Variants in SLC16A9 observed in about 807,000 individuals in gnomAD.
SLC16A9 encodes monocarboxylate transporter 9.
A neutral mutation model predicts 44.3 loss-of-function variants in SLC16A9; 26 were observed. The ratio of observed to expected loss-of-function variants is 0.59; its 90% CI spans 0.43 to 0.81. SLC16A9 has a LOEUF of 0.81. Among genes scored for constraint, SLC16A9 ranks in the 40% least tolerant of loss-of-function variants. The probability of loss-of-function intolerance (pLI) is 0.00; values close to 1 mark genes in which losing one functional copy is unlikely to be tolerated. For missense variants in SLC16A9, 559 were observed against 595.8 expected (o/e 0.94, Z 0.64); for synonymous variants, 230 against 225.1 (o/e 1.02, Z -0.19).
intron 4 of SLC16A9, among the ~76,000 whole-genome samples, chr10:59,663,188 C>T (rs1042377230): frequency 2.0e-5 from 3 of 151,926 alleles, no homozygotes; most frequent in Admixed American, 1.3e-4. Context: ...GAAGAAACCC[C>T]GTCTCTACTA....
chr10:59,672,083 C>G (rs1260610280), intron 3 of SLC16A9, among the ~76,000 whole-genome samples: 1 of 152,114 alleles, frequency 6.6e-6, no homozygotes, highest in Non-Finnish European at 1.5e-5. Flanking sequence ...TTTTCTAAGT[C>G]CCTACCAACA....
At chr10:59,693,280 A>AATT (rs1840291749) in intron 1 of SLC16A9, among the ~76,000 whole-genome samples, 1 of 152,240 alleles carries the variant, frequency 6.6e-6, no homozygotes, top group Admixed American at 6.5e-5. Flanking sequence ...ATGTATTAGC[A>AATT]AATGTCATCA....
At chr10:59,696,674 G>T (rs1840385268) in intron 1 of SLC16A9, among the ~76,000 whole-genome samples, 1 of 150,498 alleles carries the variant, frequency 6.6e-6, no homozygotes, top group South Asian at 2.1e-4. Context: ...TCTCTGCCCG[G>T]CCGCCCATCA....
intron 3 of SLC16A9, among the ~76,000 whole-genome samples, chr10:59,666,221 C>T (rs1839612591): frequency 6.6e-6 from 1 of 151,688 alleles, no homozygotes. Flanking sequence ...ATCACTTGAA[C>T]CCTGGAGGTG....
intron 1 of SLC16A9, among the ~76,000 whole-genome samples, chr10:59,699,196 T>C (rs1164969403): frequency 9.9e-5 from 15 of 152,204 alleles, no homozygotes; most frequent in Non-Finnish European, 1.6e-4. Context: ...ATGATGATAA[T>C]TATAAGGCTG....
intron 1 of SLC16A9, among the ~76,000 whole-genome samples, chr10:59,706,770 C>T (rs534689709): frequency 7.2e-5 from 11 of 151,868 alleles, no homozygotes; most frequent in Non-Finnish European, 1.3e-4. Flanking sequence ...GTCAGAAGTT[C>T]GAGACCAGCC....
chr10:59,676,444 C>A (rs1252290891), intron 2 of SLC16A9, among the ~76,000 whole-genome samples: 1 of 152,132 alleles, frequency 6.6e-6, no homozygotes, highest in African/African-American at 2.4e-5. Flanking sequence ...CAAAGGGCTA[C>A]TTTCAGGAGA....
At chr10:59,687,478 C>T (rs1840159360) in intron 1 of SLC16A9, among the ~76,000 whole-genome samples, 1 of 152,110 alleles carries the variant, frequency 6.6e-6, no homozygotes, top group African/African-American at 2.4e-5. Context: ...CCCTTTATAA[C>T]TCTTAATATG....
intron 4 of SLC16A9, 53 bp from the exon 5 acceptor site, chr10:59,654,642 A>G (rs1839309229): frequency 7.1e-7 from 1 of 1,407,964 alleles, no homozygotes; most frequent in Non-Finnish European, 9.4e-7. Context: ...TCTCAGGATT[A>G]GAATTTGTAA....
At position 59,651,886 on chromosome 10, in the gene SLC16A9, C is replaced by A. The variant is rs1374327774; in HGVS notation, c.*886G>T. 2 of 152,120 alleles carry A rather than the reference C, an allele frequency of 1.3e-5. No homozygotes were observed. The highest frequency in any genetic ancestry group is 2.9e-5 in the Non-Finnish European group (2 of 68,016). 9.4% of individuals were successfully genotyped at this position (152,120 alleles called of 1,614,324 possible). A position where few individuals can be genotyped will look rare whatever the true frequency, so the allele number is the denominator to read the frequency against. Reference sequence around the variant, plus strand: ...GGGAGGATATGCAAGAACTTGCAGCCCATCCCCACTGTGCCCAAAGCAAAT... The same window carrying A: ...GGGAGGATATGCAAGAACTTGCAGCACATCCCCACTGTGCCCAAAGCAAAT... On this transcript the variant is annotated 3_prime_UTR_variant, in exon 6 of 6. Coordinates refer to ENST00000395348, the MANE Select transcript of SLC16A9 (RefSeq NM_194298.3).
intron 4 of SLC16A9, among the ~76,000 whole-genome samples, chr10:59,655,645 A>C (rs1839333584): frequency 6.6e-6 from 1 of 152,202 alleles, no homozygotes; most frequent in African/African-American, 2.4e-5. Flanking sequence ...CTAAACACAG[A>C]GGGTTGCCAA....
Position 59,652,866 on chromosome 10 carries a change from A to C in SLC16A9, c.1436T>G (p.Leu479Arg), listed in dbSNP as rs759225360. Reference protein sequence around the residue: ...FCVLLGGFILLLAALPSWDTC... With the variant: ...FCVLLGGFILRLAALPSWDTC... ...ATCCCAAGAGGGCAAGGCTGCCAGC[A>C]GCAGAATAAAACCTCCCAGCAGGAC... The change falls in exon 6 of 6, where the codon CTG (leucine) becomes CGG (arginine). Residue 479 changes from leucine (L) to arginine (R), a missense_variant. Transcript: ENST00000395348. 6.2e-7 allele frequency: 1 copy of C among 1,614,168 alleles called. No individual in the cohort carries two copies. The highest frequency in any genetic ancestry group is 1.7e-5 in the Admixed American group (1 of 60,020).
At chr10:59,700,859 T>C (rs1840507297) in intron 1 of SLC16A9, among the ~76,000 whole-genome samples, 1 of 152,162 alleles carries the variant, frequency 6.6e-6, no homozygotes, top group Non-Finnish European at 1.5e-5. Flanking sequence ...TTTACGTCTC[T>C]GTTTTTATGA....
intron 1 of SLC16A9, among the ~76,000 whole-genome samples, chr10:59,706,491 TC>T (rs1462370569): frequency 6.6e-6 from 1 of 152,176 alleles, no homozygotes; most frequent in Admixed American, 6.5e-5. Context: ...GATCCAGCAA[TC>T]TCACTATATA....
chr10:59,697,138 A>G lies in SLC16A9; in HGVS notation c.-37+12341T>C, dbSNP rs371938125. On this transcript the variant is annotated intron_variant, in intron 1 of 5. Transcript: ENST00000395348. Reference sequence around the variant, plus strand: ...GGTTCAGCCCCCCGCCCAGCCAGCCACCCCGTCCGGGAGGTGAGGGGCGCC... The same window carrying G: ...GGTTCAGCCCCCCGCCCAGCCAGCCGCCCCGTCCGGGAGGTGAGGGGCGCC... Among the ~76,000 whole-genome samples the G allele has an allele frequency of 2.1e-3, 176 of 84,322 alleles. 1 individual carries two copies. Among genetic ancestry groups the G allele is most frequent in the African/African-American group, 6.3e-3 (148 of 23,414 alleles). 55.3% of individuals were successfully genotyped at this position (84,322 alleles called of 152,430 possible).
chr10:59,701,734 A>G (rs1387159746), intron 1 of SLC16A9, among the ~76,000 whole-genome samples: 1 of 152,192 alleles, frequency 6.6e-6, no homozygotes, highest in Non-Finnish European at 1.5e-5. Flanking sequence ...CCCAACCCAC[A>G]GCTCACGACT....
intron 5 of SLC16A9, among the ~76,000 whole-genome samples, chr10:59,653,425 C>CACAAAAA (rs1491388606): frequency 2.7e-4 from 10 of 36,764 alleles, no homozygotes; most frequent in African/African-American, 5.9e-4. Flanking sequence ...AACTCCGTCT[C>CACAAAAA]AAAAAAAAAA....
rs1202912531 is a variant in SLC16A9, at chr10:59,699,931, CACACAT to C, written c.-37+9542_-37+9547del. On this transcript the variant is annotated intron_variant, in intron 1 of 5. Coordinates refer to ENST00000395348, the MANE Select transcript of SLC16A9 (RefSeq NM_194298.3). ...ACACACACACACACACACACACACACACACATACACACATTAGTACCACATCTCTCC... is the reference window on the plus strand; with the variant it reads ...ACACACACACACACACACACACACACACACACATTAGTACCACATCTCTCC... Among the ~76,000 whole-genome samples, 600 of 150,430 alleles carry C rather than the reference CACACAT, an allele frequency of 4.0e-3. 5 individuals are homozygous for C. The highest frequency in any genetic ancestry group is 0.014 in the African/African-American group (567 of 40,156).
intron 4 of SLC16A9, 31 bp from the exon 5 acceptor site, chr10:59,654,620 G>A (rs757446582): frequency 1.5e-5 from 23 of 1,488,418 alleles, no homozygotes; most frequent in African/African-American, 7.0e-5. Context: ...GTTCAACCTC[G>A]TAATCTGAGG....
Sources: gnomAD v4.1 joint callset for allele counts (sites outside exome capture counted in the v4.1 genomes callset) on GRCh38, gnomAD v4.1.1 for gene constraint, MANE v1.5 for transcripts, NCBI Gene and HGNC (gene_info 2026-07-23, HGNC 2026-07-21) for gene names.